CPNE5: variants seen among roughly 807,000 people sequenced by gnomAD.
The protein encoded by CPNE5 is copine 5.
In CPNE5, 42 loss-of-function variants were observed where a neutral mutation model predicts 81.1. The observed-to-expected ratio is 0.52, with a 90% CI of 0.40 to 0.67. CPNE5 has a LOEUF of 0.67. Ranked by LOEUF, CPNE5 falls within the 30% of genes least tolerant of loss-of-function variation. The probability of loss-of-function intolerance (pLI) is 0.00; values close to 1 mark genes in which losing one functional copy is unlikely to be tolerated. For synonymous variants in CPNE5, 313 were observed against 321.5 expected (o/e 0.97, Z 0.28); for missense variants, 612 against 815.5 (o/e 0.75, Z 3.04).
At chr6:36,813,770 C>T (rs1005783867) in intron 3 of CPNE5, among the ~76,000 whole-genome samples, 1 of 152,220 alleles carries the variant, frequency 6.6e-6, no homozygotes, top group Admixed American at 6.5e-5. Context: ...CCACCTGCAA[C>T]ACCCTGCCCC....
chr6:36,810,317 C>T (rs964349131), intron 3 of CPNE5, among the ~76,000 whole-genome samples: 1 of 152,198 alleles, frequency 6.6e-6, no homozygotes, highest in African/African-American at 2.4e-5. Context: ...ACCTCACAAG[C>T]TGCTCACCCT....
At chr6:36,806,714 C>T (rs529080038) in intron 3 of CPNE5, among the ~76,000 whole-genome samples, 7 of 152,358 alleles carry the variant, frequency 4.6e-5, no homozygotes, top group African/African-American at 7.2e-5. Context: ...CTCAATTGAA[C>T]GTAAACCAAG....
intron 6 of CPNE5, among the ~76,000 whole-genome samples, chr6:36,797,564 C>T (rs1285560379): frequency 1.3e-5 from 2 of 152,204 alleles, no homozygotes; most frequent in Non-Finnish European, 2.9e-5. Flanking sequence ...TCACCCTCAC[C>T]ACACGGCCAG....
chr6:36,839,414 C>T lies in CPNE5; in HGVS notation c.-37G>A. On this transcript the variant is annotated 5_prime_UTR_variant, in exon 1 of 21. Coordinates refer to ENST00000244751, the MANE Select transcript of CPNE5 (RefSeq NM_020939.2). This position sits in a 1 kb window ranked among gnomAD's most constrained non-coding sequence, Gnocchi z 7.3. The stretch of plus-strand genomic sequence containing the variant: ...CCCCCCACCCCAAATTAGTCAATCC[C>T]TGCGCGATTCACGCCTCCTCCGGAG... The T allele has an allele frequency of 1.3e-6, 2 of 1,503,006 alleles. No homozygotes were observed. Among genetic ancestry groups the T allele is most frequent in the South Asian group, 1.2e-5 (1 of 80,678 alleles). 93.1% of individuals were successfully genotyped at this position (1,503,006 alleles called of 1,614,324 possible). A position where few individuals can be genotyped will look rare whatever the true frequency, so the allele number is the denominator to read the frequency against.
At chr6:36,827,796 C>T (rs1044906859) in intron 1 of CPNE5, 12 of 969,172 alleles carry the variant, frequency 1.2e-5, no homozygotes, top group Non-Finnish European at 1.3e-5. Context: ...CAGACAAGAC[C>T]AGACCACAAG....
At chr6:36,836,885 T>C (rs11751844) in intron 1 of CPNE5, among the ~76,000 whole-genome samples, 29,464 of 151,908 alleles carry the variant, frequency 0.19, 3,666 homozygotes, top group East Asian at 0.34. Context: ...TCCCTCCTCA[T>C]CTCTCCCCAC....
At chr6:36,783,327 GT>G (rs1436246391) in intron 8 of CPNE5, among the ~76,000 whole-genome samples, 1 of 125,736 alleles carries the variant, frequency 8.0e-6, no homozygotes, top group Non-Finnish European at 1.6e-5. Context: ...CATAACACAA[GT>G]TAACCTACAT....
At chr6:36,835,340 G>C (rs1773394167) in intron 1 of CPNE5, among the ~76,000 whole-genome samples, 1 of 152,252 alleles carries the variant, frequency 6.6e-6, no homozygotes, top group South Asian at 2.1e-4. Context: ...GACTCGGCAG[G>C]ATGGCTCACA....
intron 3 of CPNE5, among the ~76,000 whole-genome samples, chr6:36,804,761 C>T (rs1413985442): frequency 2.1e-5 from 3 of 143,846 alleles, no homozygotes; most frequent in African/African-American, 5.2e-5. Context: ...GAGGGGAATA[C>T]CCTAGAGATT....
intron 14 of CPNE5, among the ~76,000 whole-genome samples, chr6:36,750,116 T>C (rs1360406023): frequency 6.6e-6 from 1 of 152,254 alleles, no homozygotes; most frequent in Non-Finnish European, 1.5e-5. Flanking sequence ...CCAGGGATTA[T>C]GAGGACACGA....
intron 10 of CPNE5, among the ~76,000 whole-genome samples, chr6:36,767,558 C>T (rs1195535578): frequency 6.6e-6 from 1 of 152,202 alleles, no homozygotes; most frequent in Non-Finnish European, 1.5e-5. Flanking sequence ...TTCCCCAGAC[C>T]GCTAAGCTCT....
At chr6:36,744,446 GGA>G (rs750966032) in intron 18 of CPNE5, 121 bp from the exon 19 acceptor site, 3 of 753,990 alleles carry the variant, frequency 4.0e-6, no homozygotes, top group Non-Finnish European at 7.0e-6. Flanking sequence ...GAGTGAACAT[GGA>G]GAGACAGAGA....
chr6:36,742,659 G>A (rs2150349576), intron 20 of CPNE5, 173 bp from the exon 21 acceptor site: 1 of 983,442 alleles, frequency 1.0e-6, no homozygotes, highest in Non-Finnish European at 1.2e-6. Context: ...CCTGGGTTTG[G>A]GCAGTCAGTA....
rs556285078 is a variant in CPNE5 at position 36,803,608 on chromosome 6, T to C, written c.184-3538A>G. On this transcript the variant is annotated intron_variant, in intron 3 of 20. Coordinates refer to ENST00000244751, the MANE Select transcript of CPNE5 (RefSeq NM_020939.2). Reference sequence around the variant, plus strand: ...TTTGTGCCGTATGGATATTGACCGATTTTGCATCTATGTGTAAATTCATTT... The same window carrying C: ...TTTGTGCCGTATGGATATTGACCGACTTTGCATCTATGTGTAAATTCATTT... 1.8e-3 allele frequency among the ~76,000 whole-genome samples: 270 copies of C among 152,312 alleles called. 1 individual carries two copies. The highest frequency in any genetic ancestry group is 6.0e-3 in the African/African-American group (249 of 41,562).
chr6:36,756,289 G>A lies in CPNE5; in HGVS notation c.865C>T (p.Pro289Ser). 1 of 1,613,754 alleles carries A rather than the reference G, an allele frequency of 6.2e-7. No individual in the cohort carries two copies. Among genetic ancestry groups the A allele is most frequent in the African/African-American group, 1.3e-5 (1 of 74,988 alleles). ...TTCTTTTTCTTCATTTTCTTTTTCG[G>A]GTTTACCACCTGCAGGAAAAACCAG... Reference protein sequence around the residue: ...SQFNIYEVVNPKKKMKKKKYV... With the variant: ...SQFNIYEVVNSKKKMKKKKYV... Residue 289 changes from proline (P) to serine (S), a missense_variant, in exon 13 of 21, where the codon CCG becomes TCG. By Grantham distance (74) the Pro-to-Ser change is moderately conservative. Coordinates refer to ENST00000244751, the MANE Select transcript of CPNE5 (RefSeq NM_020939.2).
At chr6:36,820,335 C>CTTTTTTTTTTTTTTTTTT (rs1163633243) in intron 3 of CPNE5, among the ~76,000 whole-genome samples, 1 of 92,390 alleles carries the variant, frequency 1.1e-5, no homozygotes, top group Non-Finnish European at 2.1e-5. Context: ...CTAATCCATT[C>CTTTTTTTTTTTTTTTTTT]TTTTTTTTTT....
chr6:36,815,652 C>T (rs1771477449), intron 3 of CPNE5, among the ~76,000 whole-genome samples: 1 of 152,210 alleles, frequency 6.6e-6, no homozygotes. Context: ...GCAACCTGAA[C>T]AGACTAAGAC....
chr6:36,794,337 T>A (rs1769371057), intron 7 of CPNE5, among the ~76,000 whole-genome samples: 1 of 151,874 alleles, frequency 6.6e-6, no homozygotes, highest in South Asian at 2.1e-4. Context: ...CTCCCTGAAG[T>A]CCCAGGAGCC....
At chr6:36,788,159 T>C (rs1024424681) in intron 8 of CPNE5, among the ~76,000 whole-genome samples, 2 of 151,666 alleles carry the variant, frequency 1.3e-5, no homozygotes, top group African/African-American at 4.8e-5. Context: ...GCCTCCTGAT[T>C]AGCTGGGACC....
Sources: gnomAD v4.1 joint callset for allele counts (sites outside exome capture counted in the v4.1 genomes callset) on GRCh38, gnomAD v4.1.1 for gene constraint, Gnocchi (gnomAD v3.1) non-coding constraint, MANE v1.5 for transcripts, NCBI Gene and HGNC (gene_info 2026-07-23, HGNC 2026-07-21) for gene names.